The following MYSM1 variants were observed in gnomAD, a reference collection of about 807,000 sequenced individuals.
The protein encoded by MYSM1 is Myb like, SWIRM and MPN domains 1.
In MYSM1, 51 loss-of-function variants were observed where a neutral mutation model predicts 116.0. That is an observed-to-expected ratio of 0.44 (90% CI 0.35 to 0.56). MYSM1 has a LOEUF of 0.56. Ranked by LOEUF, MYSM1 falls within the 20% of genes least tolerant of loss-of-function variation. MYSM1 has a pLI of 0.00. For missense variants in MYSM1, 900 were observed against 974.9 expected (o/e 0.92, Z 1.02); for synonymous variants, 313 against 315.2 (o/e 0.99, Z 0.07).
rs1044171519 is a variant in MYSM1 at position 58,672,042 on chromosome 1, G to A, written c.1573-84C>T. On this transcript the variant is annotated intron_variant, in intron 11 of 19. Coordinates refer to ENST00000472487, the MANE Select transcript of MYSM1 (RefSeq NM_001085487.3). The stretch of plus-strand genomic sequence containing the variant: ...ATAGTCCTTTAAAATCAAATTGAAG[G>A]GCATGTGAGGACAAGAGAGACTAAA... 13 of 1,064,958 alleles carry A rather than the reference G, an allele frequency of 1.2e-5. No individual in the cohort carries two copies. In the Admixed American group the frequency reaches 1.2e-4, roughly 10 times the overall value. The allele number at this position is 1,064,958 out of a possible 1,614,324, so 66.0% of individuals were successfully genotyped here. A position where few individuals can be genotyped will look rare whatever the true frequency, so the allele number is the denominator to read the frequency against.
In MYSM1 at chr1:58,658,057, C is replaced by T. The variant is rs1457940595; in HGVS notation, c.*1940G>A. 6.6e-6 allele frequency: 1 copy of T among 152,184 alleles called. No homozygotes were observed. The highest frequency in any genetic ancestry group is 1.5e-5 in the Non-Finnish European group (1 of 68,046). The allele number at this position is 152,184 out of a possible 1,614,324, so 9.4% of individuals were successfully genotyped here. On this transcript the variant is annotated 3_prime_UTR_variant, in exon 20 of 20. Transcript: ENST00000472487. Reference sequence around the variant, plus strand: ...AAGATGAGTACAAAGGAATCAATCACTGCCTTTCACAGAATCACGCAACTT... The same window carrying T: ...AAGATGAGTACAAAGGAATCAATCATTGCCTTTCACAGAATCACGCAACTT...
At chr1:58,689,304 G>A (rs1231071529) in intron 5 of MYSM1, 188 bp from the exon 6 acceptor site, 11 of 525,844 alleles carry the variant, frequency 2.1e-5, no homozygotes, top group East Asian at 3.3e-5. Context: ...CCTGTCACGT[G>A]TCTCTAGCTC....
At chr1:58,677,806 A>C (rs926011977) in intron 8 of MYSM1, among the ~76,000 whole-genome samples, 1 of 152,126 alleles carries the variant, frequency 6.6e-6, no homozygotes, top group Non-Finnish European at 1.5e-5. Flanking sequence ...TTACAACTAT[A>C]CAAGGTAGAT....
chr1:58,690,236 C>T lies in MYSM1; in HGVS notation c.310G>A (p.Ala104Thr), dbSNP rs1337455512. ...KKYMKSLQKT[A>T]KIMVHSPTKP... is the part of the protein sequence containing the mutation. ...AATATAAGTACATACATGATTTTTG[C>T]TGTTTTCTGCAGACTGCATCACATG... The change falls in exon 5 of 20, where the codon GCA (alanine) becomes ACA (threonine). Residue 104 changes from alanine (A) to threonine (T), a missense_variant. Ala to Thr is a moderately conservative substitution (Grantham distance 58, BLOSUM62 0). Around this residue, in one of 3 missense-constraint regions of MYSM1, gnomAD observed 622 missense variants for 623.7 expected, o/e 1.00. Transcript: ENST00000472487. 1.9e-6 allele frequency: 3 copies of T among 1,565,784 alleles called. No homozygotes were observed. The highest frequency in any genetic ancestry group is 8.6e-7 in the Non-Finnish European group (1 of 1,159,048).
Position 58,682,039 on chromosome 1 carries a change from G to A in MYSM1, c.1005C>T (p.Ala335=). 6.2e-7 allele frequency: 1 copy of A among 1,614,076 alleles called. No individual in the cohort carries two copies. The highest frequency in any genetic ancestry group is 8.5e-7 in the Non-Finnish European group (1 of 1,180,010). The change falls in exon 8 of 20, where the codon GCC becomes GCT. Residue 335 remains alanine (A), a synonymous_variant. Transcript: ENST00000472487. ...AAGGCTCTGGAGAAGGCAACTGCCT[G>A]GCATCAACTATTATTCCCCTTCCAT... ...KHDGRGIIVD[A]RQLPSPEPCE...
At chr1:58,664,011 C>G (rs1644432020) in intron 17 of MYSM1, among the ~76,000 whole-genome samples, 1 of 152,156 alleles carries the variant, frequency 6.6e-6, no homozygotes, top group Admixed American at 6.6e-5. Flanking sequence ...CATATTTTGT[C>G]CAGTTTTTTG....
At chr1:58,698,635 C>G (rs887008406) in intron 1 of MYSM1, among the ~76,000 whole-genome samples, 3 of 152,172 alleles carry the variant, frequency 2.0e-5, no homozygotes, top group African/African-American at 7.2e-5. Flanking sequence ...TCAGTGTTTC[C>G]AAGGCCAGCT....
rs1170260026 is a variant in MYSM1, at chr1:58,658,037, G to A, written c.*1960C>T. 5.3e-5 allele frequency: 8 copies of A among 152,188 alleles called. No homozygotes were observed. 9.4% of individuals were successfully genotyped at this position (152,188 alleles called of 1,614,324 possible). ...TGAGGAAACAGGTCAAAAGGAAGAT[G>A]AGTACAAAGGAATCAATCACTGCCT... On this transcript the variant is annotated 3_prime_UTR_variant, in exon 20 of 20. Coordinates refer to ENST00000472487, the MANE Select transcript of MYSM1 (RefSeq NM_001085487.3).
chr1:58,665,402 C>T (rs1012512004), intron 17 of MYSM1, 97 bp downstream of exon 17: 2 of 954,750 alleles, frequency 2.1e-6, no homozygotes, highest in Non-Finnish European at 3.1e-6. Flanking sequence ...CAAACTCTTG[C>T]ATTAAATAAT....
At chr1:58,683,615 C>T (rs1289154032) in intron 7 of MYSM1, among the ~76,000 whole-genome samples, 1 of 152,010 alleles carries the variant, frequency 6.6e-6, no homozygotes, top group African/African-American at 2.4e-5. Flanking sequence ...AAAATCCTTA[C>T]CTACGAAGTT....
rs1240814265 is a variant in MYSM1, at chr1:58,667,331, TTTTA to T, written c.1843-109_1843-106del. ...TACGGAAACTTTTCAAGGCCAAGAC[TTTTA>T]TTTAACAATACCACAGTTGCCTTTA... On this transcript the variant is annotated intron_variant, in intron 15 of 19. Transcript: ENST00000472487. The T allele has an allele frequency of 1.3e-5, 11 of 830,580 alleles. No homozygotes were observed. In the African/African-American group the frequency reaches 1.9e-4, roughly 15 times the overall value. 51.5% of individuals were successfully genotyped at this position (830,580 alleles called of 1,614,324 possible).
chr1:58,677,289 C>T (rs1454787138), intron 8 of MYSM1, among the ~76,000 whole-genome samples: 2 of 151,962 alleles, frequency 1.3e-5, no homozygotes, highest in African/African-American at 2.4e-5. Flanking sequence ...AATATTTCTT[C>T]CCCAATGTTA....
At position 58,685,201 on chromosome 1, in the gene MYSM1, G is replaced by A; in HGVS notation, c.450C>T (p.Arg150=). Residue 150 remains arginine (R), a synonymous_variant, in exon 7 of 20, where the codon CGC becomes CGT. Transcript: ENST00000472487. ...CATAACTCTTCACTTGTAAAACAGT[G>A]CGGCTTCCAATTAGCTTTGAAATTT... ...WTKISKLIGS[R]TVLQVKSYAR... 6.2e-7 allele frequency: 1 copy of A among 1,608,390 alleles called. No homozygotes were observed. Among genetic ancestry groups the A allele is most frequent in the South Asian group, 1.1e-5 (1 of 89,874 alleles).
chr1:58,691,055 G>A (rs111596701), intron 3 of MYSM1, among the ~76,000 whole-genome samples: 4 of 151,728 alleles, frequency 2.6e-5, no homozygotes, highest in South Asian at 2.1e-4. Flanking sequence ...CGAGGCAGGC[G>A]GATCACAAGG....
At position 58,655,727 on chromosome 1, in the gene MYSM1, T is replaced by G. The variant is rs1460376113; in HGVS notation, c.*4270A>C. On this transcript the variant is annotated 3_prime_UTR_variant, in exon 20 of 20. Coordinates refer to ENST00000472487, the MANE Select transcript of MYSM1 (RefSeq NM_001085487.3). ...TGGAAATATTGCAAAATACATTAATTTGTAAGAAAACTAATATTAAAGTAC... is the reference window on the plus strand; with the variant it reads ...TGGAAATATTGCAAAATACATTAATGTGTAAGAAAACTAATATTAAAGTAC... 6.6e-6 allele frequency: 1 copy of G among 152,196 alleles called. No individual in the cohort carries two copies. Among genetic ancestry groups the G allele is most frequent in the African/African-American group, 2.4e-5 (1 of 41,452 alleles). The allele number at this position is 152,196 out of a possible 1,614,324, so 9.4% of individuals were successfully genotyped here. A position where few individuals can be genotyped will look rare whatever the true frequency, so the allele number is the denominator to read the frequency against.
intron 1 of MYSM1, 45 bp downstream of exon 1, chr1:58,699,940 C>G: frequency 6.2e-7 from 1 of 1,611,960 alleles, no homozygotes; most frequent in Non-Finnish European, 8.5e-7. Flanking sequence ...CTCCTTCAAT[C>G]CACTCCCCTC....
rs926317148 is a variant in MYSM1 at position 58,656,515 on chromosome 1, C to G, written c.*3482G>C. 1 of 152,096 alleles carries G rather than the reference C, an allele frequency of 6.6e-6. No individual in the cohort carries two copies. The highest frequency in any genetic ancestry group is 2.1e-4 in the South Asian group (1 of 4,830). 9.4% of individuals were successfully genotyped at this position (152,096 alleles called of 1,614,324 possible). On this transcript the variant is annotated 3_prime_UTR_variant, in exon 20 of 20. Transcript: ENST00000472487. ...ACTACAGATTAGGGACTGACCAAAA[C>G]AAAAATATCTGAAGACTAAAACAAA...
At position 58,700,059 on chromosome 1, in the gene MYSM1, A is replaced by G. The variant is rs1374491585; in HGVS notation, c.-7T>C. Reference sequence around the variant, plus strand: ...CCGCCTCTTCAGCCGCCATGATGGGACCTGACCCCGTCCGTCCTCCCGAGA... The same window carrying G: ...CCGCCTCTTCAGCCGCCATGATGGGGCCTGACCCCGTCCGTCCTCCCGAGA... On this transcript the variant is annotated 5_prime_UTR_variant, in exon 1 of 20. Transcript: ENST00000472487. 3.7e-6 allele frequency: 6 copies of G among 1,613,342 alleles called. No individual in the cohort carries two copies. The highest frequency in any genetic ancestry group is 1.7e-5 in the Admixed American group (1 of 60,014).
rs1028815168 is a variant in MYSM1 at position 58,657,693 on chromosome 1, A to C, written c.*2304T>G. ...AGTAGCACTGAGATATTTGTACTTC[A>C]CACTTCTCTGTATTTTAAAATATAC... is the stretch of plus-strand genomic sequence containing the variant. On this transcript the variant is annotated 3_prime_UTR_variant, in exon 20 of 20. Transcript: ENST00000472487. 4 of 152,156 alleles carry C rather than the reference A, an allele frequency of 2.6e-5. No individual in the cohort carries two copies. Among genetic ancestry groups the C allele is most frequent in the African/African-American group, 7.2e-5 (3 of 41,436 alleles). The allele number at this position is 152,156 out of a possible 1,614,324, so 9.4% of individuals were successfully genotyped here.
Sources: allele counts gnomAD v4.1 joint callset (sites outside exome capture counted in the v4.1 genomes callset), GRCh38; gene constraint gnomAD v4.1.1; regional missense constraint gnomAD v4.1.1; transcripts MANE v1.5; gene names NCBI Gene and HGNC (gene_info 2026-07-23, HGNC 2026-07-21).